Variants in TXNRD2 observed in about 807,000 individuals in gnomAD.
TXNRD2 encodes the protein thioredoxin reductase 2, also known as thioredoxin reductase 2, mitochondrial.
A neutral mutation model predicts 70.8 loss-of-function variants in TXNRD2; 67 were observed. The observed-to-expected ratio is 0.95, with a 90% CI of 0.78 to 1.16. The LOEUF is 1.16. Ranked by LOEUF, TXNRD2 falls within the 50% of genes most tolerant of loss-of-function variation. The pLI, the probability that TXNRD2 is intolerant of heterozygous loss-of-function variation, is 0.00. For synonymous variants in TXNRD2, 301 were observed against 295.8 expected (o/e 1.02, Z -0.18); for missense variants, 644 against 719.9 (o/e 0.89, Z 1.21).
At chr22:19,887,757 GC>G (rs1939095140) in intron 11 of TXNRD2, 1 of 152,292 alleles carries the variant, frequency 6.6e-6, no homozygotes, top group South Asian at 2.1e-4. Context: ...CAATGTGGGA[GC>G]CAGAGGTGGC....
chr22:19,933,346 C>A (rs1051023258), intron 1 of TXNRD2: 14 of 851,744 alleles, frequency 1.6e-5, no homozygotes, highest in South Asian at 1.3e-4. Flanking sequence ...GCCACCAGGT[C>A]CCCCGGGGAG....
intron 17 of TXNRD2, chr22:19,876,680 A>C: frequency 6.4e-6 from 1 of 156,710 alleles, no homozygotes; most frequent in Non-Finnish European, 1.4e-5. Flanking sequence ...CAGCTTCCCG[A>C]CTGCAGCCCC....
intron 8 of TXNRD2, among the ~76,000 whole-genome samples, chr22:19,906,242 A>G (rs1473885960): frequency 5.9e-5 from 9 of 152,206 alleles, no homozygotes. Context: ...TGAGGCTGTG[A>G]CACGAGGCTT....
intron 12 of TXNRD2, chr22:19,881,249 G>C (rs1053004300): frequency 1.5e-5 from 6 of 397,256 alleles, no homozygotes; most frequent in Non-Finnish European, 2.2e-5. Context: ...GGGGGTTCCA[G>C]CACCGTCCTC....
intron 7 of TXNRD2, among the ~76,000 whole-genome samples, chr22:19,914,409 TA>T (rs1318785606): frequency 1.3e-5 from 2 of 152,210 alleles, no homozygotes; most frequent in East Asian, 3.8e-4. Flanking sequence ...GAATAGTATC[TA>T]GCCATAAAAA....
rs5993866 is a variant in TXNRD2, at chr22:19,918,758, C to T, written c.374+102G>A. The T allele has an allele frequency of 2.7e-3, 3,912 of 1,438,794 alleles. 64 individuals are homozygous for T. In the African/African-American group the frequency reaches 0.043, roughly 16 times the overall value. 89.1% of individuals were successfully genotyped at this position (1,438,794 alleles called of 1,614,324 possible). On this transcript the variant is annotated intron_variant, in intron 4 of 17. Coordinates refer to ENST00000400521, the MANE Select transcript of TXNRD2 (RefSeq NM_006440.5). ...GCCCCTGGCTGAGAAACCCATCCTACGGCCCACTCCCCATGAGGGCTCATC... is the reference window on the plus strand; with the variant it reads ...GCCCCTGGCTGAGAAACCCATCCTATGGCCCACTCCCCATGAGGGCTCATC...
chr22:19,918,826 A>G (rs1940755129), intron 4 of TXNRD2, 34 bp downstream of exon 4: 3 of 1,601,506 alleles, frequency 1.9e-6, no homozygotes, highest in Non-Finnish European at 2.5e-6. Flanking sequence ...GAGTAGAAGA[A>G]AAGCACTGGA....
At chr22:19,916,642 C>CA (rs1260131451) in intron 5 of TXNRD2, among the ~76,000 whole-genome samples, 2 of 129,270 alleles carry the variant, frequency 1.5e-5, no homozygotes, top group East Asian at 4.7e-4. Context: ...GCGCCCCACC[C>CA]TTTTTTTTTT....
At chr22:19,935,100 G>A (rs1415361537) in intron 1 of TXNRD2, among the ~76,000 whole-genome samples, 1 of 152,162 alleles carries the variant, frequency 6.6e-6, no homozygotes, top group Non-Finnish European at 1.5e-5. Context: ...GTGGGGTCAG[G>A]CAAAAAGAGC....
chr22:19,926,705 C>T (rs980849378), intron 2 of TXNRD2, among the ~76,000 whole-genome samples: 6 of 151,804 alleles, frequency 4.0e-5, no homozygotes, highest in African/African-American at 1.2e-4. Flanking sequence ...TGCTTGAGCC[C>T]GAGAGGCCGA....
chr22:19,914,578 C>T (rs189025023), intron 7 of TXNRD2, among the ~76,000 whole-genome samples: 33 of 152,256 alleles, frequency 2.2e-4, no homozygotes, highest in Admixed American at 1.8e-3. Flanking sequence ...TTCACTTACA[C>T]GAGGTGCCTA....
chr22:19,885,276 C>A (rs192252670), intron 11 of TXNRD2, among the ~76,000 whole-genome samples: 1 of 152,352 alleles, frequency 6.6e-6, no homozygotes, highest in Admixed American at 6.5e-5. Flanking sequence ...GCAATTTTGC[C>A]TCAAAAGCAT....
At chr22:19,932,093 G>A (rs191766222) in intron 1 of TXNRD2, among the ~76,000 whole-genome samples, 46 of 150,224 alleles carry the variant, frequency 3.1e-4, no homozygotes, top group East Asian at 9.8e-4. Flanking sequence ...CCCGGGAGGC[G>A]GAGCTTGCAG....
chr22:19,875,971 C>T (rs924345734), intron 17 of TXNRD2, 164 bp from the exon 18 acceptor site: 6 of 152,238 alleles, frequency 3.9e-5, no homozygotes, highest in Non-Finnish European at 8.8e-5. Context: ...GGGAGCGACG[C>T]GGTGCTACAA....
chr22:19,918,075 G>T, intron 5 of TXNRD2, 68 bp downstream of exon 5: 1 of 1,321,862 alleles, frequency 7.6e-7, no homozygotes, highest in Non-Finnish European at 1.1e-6. Context: ...AAGTAAGTGT[G>T]TGTCCAGGCA....
At chr22:19,898,240 T>G (rs1200769078) in intron 9 of TXNRD2, 110 bp from the exon 10 acceptor site, 1 of 1,030,816 alleles carries the variant, frequency 9.7e-7, no homozygotes, top group East Asian at 2.6e-5. Context: ...TGGCTGGCCC[T>G]GGAGGAGGCT....
intron 11 of TXNRD2, among the ~76,000 whole-genome samples, chr22:19,884,840 G>A (rs371852002): frequency 2.6e-5 from 4 of 152,354 alleles, no homozygotes; most frequent in African/African-American, 9.6e-5. Context: ...AGAGCTAGCA[G>A]CCGGGTCTCC....
chr22:19,932,524 G>T (rs1342286665), intron 1 of TXNRD2: 8 of 1,546,422 alleles, frequency 5.2e-6, no homozygotes, highest in Middle Eastern at 1.7e-4. Context: ...GTAGAGAGGG[G>T]AAGTACACTG....
intron 10 of TXNRD2, among the ~76,000 whole-genome samples, chr22:19,897,598 C>T (rs1601413408): frequency 6.6e-6 from 1 of 152,186 alleles, no homozygotes; most frequent in East Asian, 1.9e-4. Flanking sequence ...CCAGCGCTGC[C>T]CTGTGTCCCT....
Sources: allele counts gnomAD v4.1 joint callset (sites outside exome capture counted in the v4.1 genomes callset), GRCh38; gene constraint gnomAD v4.1.1; transcripts MANE v1.5; gene names NCBI Gene and HGNC (gene_info 2026-07-23, HGNC 2026-07-21).